PPP1R7: variants seen among roughly 807,000 people sequenced by gnomAD.
PPP1R7 encodes the protein protein phosphatase 1 regulatory subunit 22.
PPP1R7 carries 18 observed loss-of-function variants against 45.2 expected under a neutral mutation model. The ratio of observed to expected loss-of-function variants is 0.40; its 90% CI spans 0.28 to 0.59. PPP1R7 has a LOEUF of 0.59. Ranked by LOEUF, PPP1R7 falls within the 20% of genes least tolerant of loss-of-function variation. The probability of loss-of-function intolerance (pLI) is 0.46; values close to 1 mark genes in which losing one functional copy is unlikely to be tolerated. For missense variants in PPP1R7, 314 were observed against 455.8 expected (o/e 0.69, Z 2.83); for synonymous variants, 181 against 183.4 (o/e 0.99, Z 0.11).
At chr2:241,170,534 C>T (rs1016549425) in intron 9 of PPP1R7, among the ~76,000 whole-genome samples, 2 of 152,348 alleles carry the variant, frequency 1.3e-5, no homozygotes, top group Middle Eastern at 6.8e-3. Flanking sequence ...TCCGCTAGCA[C>T]GTGGCCCTGC....
chr2:241,159,400 T>A, intron 5 of PPP1R7, 57 bp downstream of exon 5: 1 of 1,594,142 alleles, frequency 6.3e-7, no homozygotes, highest in Middle Eastern at 2.1e-4. Flanking sequence ...GGGTGGGGGG[T>A]GTCCAGTCTC....
At chr2:241,176,306 T>C (rs1216971902) in intron 9 of PPP1R7, among the ~76,000 whole-genome samples, 1 of 152,148 alleles carries the variant, frequency 6.6e-6, no homozygotes, top group African/African-American at 2.4e-5. Context: ...GAAAATATGT[T>C]ATCCACATGT....
chr2:241,164,921 G>A (rs141692551), intron 7 of PPP1R7, among the ~76,000 whole-genome samples: 20 of 152,020 alleles, frequency 1.3e-4, no homozygotes, highest in African/African-American at 3.6e-4. Flanking sequence ...GGTGGCGGGC[G>A]CCTGTAATCC....
chr2:241,175,864 C>T (rs546040378), intron 9 of PPP1R7, among the ~76,000 whole-genome samples: 3 of 152,270 alleles, frequency 2.0e-5, no homozygotes, highest in South Asian at 2.1e-4. Flanking sequence ...CTGCAGCCTC[C>T]GCTTTCCAGG....
rs891188479 is a variant in PPP1R7, at chr2:241,183,543, C to T, written c.*720C>T. The T allele has an allele frequency of 4.5e-6, 2 of 440,876 alleles. No individual in the cohort carries two copies. The highest frequency in any genetic ancestry group is 4.1e-5 in the African/African-American group (2 of 48,962). 27.3% of individuals were successfully genotyped at this position (440,876 alleles called of 1,614,324 possible). The stretch of plus-strand genomic sequence containing the variant: ...AGAATACGAGTCCCATTGAGCCTCT[C>T]CAAAGACGGCCTCCAAGGATCTGAA... On this transcript the variant is annotated 3_prime_UTR_variant, in exon 10 of 10. Transcript: ENST00000234038.
Position 241,183,485 on chromosome 2 carries a change from G to A in PPP1R7, c.*662G>A. 4.2e-6 allele frequency: 2 copies of A among 470,852 alleles called. No homozygotes were observed. Among genetic ancestry groups the A allele is most frequent in the Non-Finnish European group, 8.8e-6 (2 of 226,994 alleles). 29.2% of individuals were successfully genotyped at this position (470,852 alleles called of 1,614,324 possible). A position where few individuals can be genotyped will look rare whatever the true frequency, so the allele number is the denominator to read the frequency against. ...GTGAAAGCTCAGGTGTGGGGAGGGTGTCCTGTGTCCCACACGGTGCTGTGC... is the reference window on the plus strand; with the variant it reads ...GTGAAAGCTCAGGTGTGGGGAGGGTATCCTGTGTCCCACACGGTGCTGTGC... On this transcript the variant is annotated 3_prime_UTR_variant, in exon 10 of 10. Coordinates refer to ENST00000234038, the MANE Select transcript of PPP1R7 (RefSeq NM_002712.3).
At chr2:241,151,823 A>G (rs2067320077) in intron 1 of PPP1R7, among the ~76,000 whole-genome samples, 1 of 152,032 alleles carries the variant, frequency 6.6e-6, no homozygotes, top group South Asian at 2.1e-4. Context: ...CTCCATTCCC[A>G]TTGCCAGTAC....
upstream of PPP1R7, chr2:241,149,672 G>T: frequency 6.5e-7 from 1 of 1,546,794 alleles, no homozygotes; most frequent in Middle Eastern, 1.7e-4. Flanking sequence ...CCCGGGCCGG[G>T]CAGATGCGGT....
At chr2:241,160,247 A>G (rs2067554678) in intron 5 of PPP1R7, 85 bp from the exon 6 acceptor site, 2 of 821,252 alleles carry the variant, frequency 2.4e-6, no homozygotes, top group Non-Finnish European at 1.8e-6. Flanking sequence ...CCTGATGGGG[A>G]CGCCACCTTT....
At chr2:241,153,713 C>T in intron 2 of PPP1R7, 109 bp downstream of exon 2, 2 of 1,427,890 alleles carry the variant, frequency 1.4e-6, no homozygotes, top group African/African-American at 1.4e-5. Flanking sequence ...AGAAGGACTG[C>T]CGTGCTCCTT....
intron 8 of PPP1R7, 84 bp downstream of exon 8, chr2:241,166,525 C>T (rs2067714641): frequency 1.7e-6 from 2 of 1,168,428 alleles, no homozygotes; most frequent in African/African-American, 3.0e-5. Flanking sequence ...ACACACTGGC[C>T]TCTCGGGCCG....
At chr2:241,177,951 C>T (rs1274771982) in intron 9 of PPP1R7, among the ~76,000 whole-genome samples, 5 of 152,260 alleles carry the variant, frequency 3.3e-5, no homozygotes. Context: ...GCTGCCCGCT[C>T]GTTTAAGCCA....
At chr2:241,149,847 G>A (rs1315392642), upstream of PPP1R7, 8 of 1,482,976 alleles carry the variant, frequency 5.4e-6, no homozygotes, top group Non-Finnish European at 6.2e-6. Context: ...GACTTGCAAG[G>A]GGAGCCCAGC....
chr2:241,169,031 A>G (rs1028168400), intron 8 of PPP1R7, among the ~76,000 whole-genome samples: 2 of 152,202 alleles, frequency 1.3e-5, no homozygotes, highest in Non-Finnish European at 2.9e-5. Context: ...TTGATGAGAA[A>G]CAAAATTATT....
rs760199485 is a variant in PPP1R7 at position 241,159,193 on chromosome 2, T to C, written c.304-20T>C. Reference sequence around the variant, plus strand: ...GCCTCCCCCTTGCCTGTGTCAATTGTCCCTTTTCCCATCCCCCAGACTCTC... The same window carrying C: ...GCCTCCCCCTTGCCTGTGTCAATTGCCCCTTTTCCCATCCCCCAGACTCTC... On this transcript the variant is annotated intron_variant, in intron 4 of 9. Coordinates refer to ENST00000234038, the MANE Select transcript of PPP1R7 (RefSeq NM_002712.3). 1 of 1,611,710 alleles carries C rather than the reference T, an allele frequency of 6.2e-7. No individual in the cohort carries two copies. The highest frequency in any genetic ancestry group is 1.7e-5 in the Admixed American group (1 of 59,956).
intron 1 of PPP1R7, among the ~76,000 whole-genome samples, chr2:241,153,157 G>A (rs1310492925): frequency 1.3e-5 from 2 of 152,170 alleles, no homozygotes; most frequent in Non-Finnish European, 2.9e-5. Context: ...CTTCACTACC[G>A]GGTTCCATTA....
chr2:241,153,668 G>C lies in PPP1R7; in HGVS notation c.181+64G>C. 36 of 1,583,402 alleles carry C rather than the reference G, an allele frequency of 2.3e-5. 1 individual carries two copies. In the South Asian group the frequency reaches 4.1e-4, roughly 18 times the overall value. Reference sequence around the variant, plus strand: ...GGGGATGTGGGCTGTGCTGCACGTGGTCTGGCCCTGGGTGTGGGTGCTGTG... The same window carrying C: ...GGGGATGTGGGCTGTGCTGCACGTGCTCTGGCCCTGGGTGTGGGTGCTGTG... On this transcript the variant is annotated intron_variant, in intron 2 of 9. Transcript: ENST00000234038.
chr2:241,170,561 G>T (rs991980138), intron 9 of PPP1R7, among the ~76,000 whole-genome samples: 2 of 152,204 alleles, frequency 1.3e-5, no homozygotes, highest in Non-Finnish European at 2.9e-5. Context: ...TGCGGCACAG[G>T]TGTCACCCTG....
intron 9 of PPP1R7, among the ~76,000 whole-genome samples, chr2:241,178,349 G>A (rs1158135220): frequency 6.6e-6 from 1 of 152,018 alleles, no homozygotes; most frequent in Non-Finnish European, 1.5e-5. Flanking sequence ...CTTTAGTCCA[G>A]TGCATTTTCC....
Sources: allele counts gnomAD v4.1 joint callset (sites outside exome capture counted in the v4.1 genomes callset), GRCh38; gene constraint gnomAD v4.1.1; transcripts MANE v1.5; gene names NCBI Gene and HGNC (gene_info 2026-07-23, HGNC 2026-07-21).